The following VPS26A variants were observed in gnomAD, a reference collection of about 807,000 sequenced individuals.
The protein encoded by VPS26A is VPS26 retromer complex component A.
A neutral mutation model predicts 42.4 loss-of-function variants in VPS26A; 22 were observed. The observed-to-expected ratio is 0.52, with a 90% CI of 0.37 to 0.74. VPS26A has a LOEUF of 0.74. VPS26A is among the 30% of genes least tolerant of loss of function. The pLI is 0.00. For synonymous variants in VPS26A, 110 were observed against 123.5 expected (o/e 0.89, Z 0.73); for missense variants, 276 against 379.2 (o/e 0.73, Z 2.26).
At chr10:69,162,054 G>A (rs1841576842) in intron 5 of VPS26A, 1 of 160,782 alleles carries the variant, frequency 6.2e-6, no homozygotes, top group Admixed American at 6.6e-5. Context: ...GTGCAGTGGT[G>A]TGATTTGCCT....
rs1475226652 is a variant in VPS26A at position 69,174,333 on chromosome 10, A to C, written c.*3064A>C. Among the ~76,000 whole-genome samples, 1 of 152,226 alleles carries C rather than the reference A, an allele frequency of 6.6e-6. No homozygotes were observed. The highest frequency in any genetic ancestry group is 2.4e-5 in the African/African-American group (1 of 41,464). On this transcript the variant is annotated 3_prime_UTR_variant, in exon 9 of 9. Coordinates refer to ENST00000263559, the MANE Select transcript of VPS26A (RefSeq NM_004896.5). ...GCCACTGCACTGTAGCTTGGGTGACAGAGACACCATGTCTCAAAAATCTAC... is the reference window on the plus strand; with the variant it reads ...GCCACTGCACTGTAGCTTGGGTGACCGAGACACCATGTCTCAAAAATCTAC...
chr10:69,173,367 C>T lies in VPS26A; in HGVS notation c.*2098C>T, dbSNP rs889975081. On this transcript the variant is annotated 3_prime_UTR_variant, in exon 9 of 9. Transcript: ENST00000263559. ...AAACAAAACAACCTCAAAAAAATAC[C>T]TGTCATCTCAGCCACTTCAGGAGTC... Among the ~76,000 whole-genome samples, 2 of 152,160 alleles carry T rather than the reference C, an allele frequency of 1.3e-5. No individual in the cohort carries two copies. The highest frequency in any genetic ancestry group is 4.8e-5 in the African/African-American group (2 of 41,428).
At chr10:69,140,416 A>G (rs1012548892) in intron 2 of VPS26A, among the ~76,000 whole-genome samples, 2 of 151,968 alleles carry the variant, frequency 1.3e-5, no homozygotes, top group African/African-American at 4.8e-5. Flanking sequence ...TCTGTCACCC[A>G]TGTTGGAGTG....
rs1361079962 is a variant in VPS26A at position 69,171,196 on chromosome 10, AAC to A, written c.913_914del (p.Gln305GlufsTer9). On this transcript the variant is annotated frameshift_variant, in exon 9 of 9. Coordinates refer to ENST00000263559, the MANE Select transcript of VPS26A (RefSeq NM_004896.5). LOFTEE classifies it high-confidence loss of function. ...AGAAAAGCTCCTGAAAAACTGAGGA[AAC>A]AGAGAACAAACTTTCACCAGCGATT... 1 of 1,613,638 alleles carries A rather than the reference AAC, an allele frequency of 6.2e-7. No homozygotes were observed. Among genetic ancestry groups the A allele is most frequent in the Non-Finnish European group, 8.5e-7 (1 of 1,179,934 alleles).
chr10:69,166,215 C>A, intron 7 of VPS26A, 105 bp downstream of exon 7: 2 of 1,029,492 alleles, frequency 1.9e-6, no homozygotes, highest in Non-Finnish European at 2.9e-6. Flanking sequence ...ATTCTTAAAC[C>A]ATTCTTACAA....
chr10:69,156,976 A>G lies in VPS26A; in HGVS notation c.230-31A>G, dbSNP rs760194546. On this transcript the variant is annotated intron_variant, in intron 3 of 8. Transcript: ENST00000263559. ...GTTTTATTGAAATGGCTATTAAATA[A>G]TTGGTCTTTTTGCCTTTTAAAATTT... 8.4e-6 allele frequency: 13 copies of G among 1,552,228 alleles called. No homozygotes were observed. In the South Asian group the frequency reaches 1.4e-4, roughly 17 times the overall value.
At chr10:69,138,868 A>G (rs1157612398) in intron 2 of VPS26A, among the ~76,000 whole-genome samples, 4 of 152,232 alleles carry the variant, frequency 2.6e-5, no homozygotes, top group Non-Finnish European at 4.4e-5. Flanking sequence ...CATTATATAC[A>G]TAATAGTCTC....
At chr10:69,134,666 AT>A (rs753497087) in intron 2 of VPS26A, among the ~76,000 whole-genome samples, 254 of 143,866 alleles carry the variant, frequency 1.8e-3, no homozygotes, top group Non-Finnish European at 1.5e-3. Flanking sequence ...ATGTGAGGTT[AT>A]TTTTTTTTTT....
chr10:69,149,734 GTTTT>G (rs869048277), intron 2 of VPS26A, among the ~76,000 whole-genome samples: 3 of 21,364 alleles, frequency 1.4e-4, no homozygotes, highest in African/African-American at 2.7e-4. Context: ...GGTGTTTTTT[GTTTT>G]TTTTTTTTTT....
intron 2 of VPS26A, among the ~76,000 whole-genome samples, chr10:69,146,678 G>A (rs950808355): frequency 2.0e-5 from 3 of 151,956 alleles, no homozygotes; most frequent in South Asian, 4.2e-4. Context: ...TTGTCCTTTT[G>A]TGCCTGACTT....
rs190305290 is a variant in VPS26A at position 69,157,260 on chromosome 10, T to C, written c.386+97T>C. 362 of 1,427,734 alleles carry C rather than the reference T, an allele frequency of 2.5e-4. No homozygotes were observed. The African/African-American group carries it at 4.8e-3, about 19-fold the overall frequency. The allele number at this position is 1,427,734 out of a possible 1,614,324, so 88.4% of individuals were successfully genotyped here. Reference sequence around the variant, plus strand: ...TGAACCTCTAATTATAATTCTGTATTGGAAGATTTAAGATTTTTAAAAATT... The same window carrying C: ...TGAACCTCTAATTATAATTCTGTATCGGAAGATTTAAGATTTTTAAAAATT... On this transcript the variant is annotated intron_variant, in intron 4 of 8. Coordinates refer to ENST00000263559, the MANE Select transcript of VPS26A (RefSeq NM_004896.5).
At chr10:69,143,567 CTAAG>C (rs913467478) in intron 2 of VPS26A, among the ~76,000 whole-genome samples, 73 of 152,246 alleles carry the variant, frequency 4.8e-4, no homozygotes, top group African/African-American at 1.6e-3. Flanking sequence ...TAATCCTTTT[CTAAG>C]TAAGAGTTCT....
intron 6 of VPS26A, among the ~76,000 whole-genome samples, chr10:69,163,411 C>A (rs1292751169): frequency 6.6e-6 from 1 of 152,160 alleles, no homozygotes; most frequent in East Asian, 1.9e-4. Flanking sequence ...TAAGCCATTG[C>A]ACCTGGCCAT....
At chr10:69,148,414 G>A (rs2132213704) in intron 2 of VPS26A, among the ~76,000 whole-genome samples, 1 of 152,236 alleles carries the variant, frequency 6.6e-6, no homozygotes, top group East Asian at 1.9e-4. Flanking sequence ...TTATAGTTTA[G>A]TTCTTTAAGC....
At chr10:69,144,997 G>GT (rs1225482538) in intron 2 of VPS26A, among the ~76,000 whole-genome samples, 4 of 151,056 alleles carry the variant, frequency 2.6e-5, no homozygotes, top group African/African-American at 4.9e-5. Flanking sequence ...ATATTCTCCT[G>GT]TTTTTTTTCC....
chr10:69,170,746 GTGCTGGAGGATTAACC>G (rs1324532289), intron 8 of VPS26A, among the ~76,000 whole-genome samples: 7 of 152,204 alleles, frequency 4.6e-5, no homozygotes, highest in Admixed American at 4.6e-4. Flanking sequence ...TCCAAGCAAT[GTGCTGGAGGATTAACC>G]TGCTAGTGAT....
chr10:69,149,909 A>G (rs1186711199), intron 2 of VPS26A, among the ~76,000 whole-genome samples: 2 of 150,686 alleles, frequency 1.3e-5, no homozygotes, highest in African/African-American at 2.5e-5. Flanking sequence ...ACGCCCTACT[A>G]ATTTTTGTAT....
chr10:69,147,384 G>A (rs979200228), intron 2 of VPS26A, among the ~76,000 whole-genome samples: 2 of 151,734 alleles, frequency 1.3e-5, no homozygotes, highest in East Asian at 3.9e-4. Flanking sequence ...GGTGTCTTTT[G>A]CAGTGCAAAA....
At chr10:69,130,068 A>G (rs1164203509) in intron 1 of VPS26A, among the ~76,000 whole-genome samples, 1 of 152,248 alleles carries the variant, frequency 6.6e-6, no homozygotes, top group African/African-American at 2.4e-5. Context: ...TACTATACCA[A>G]TGCTAATTTG....
Sources: gnomAD v4.1 joint callset for allele counts (sites outside exome capture counted in the v4.1 genomes callset) on GRCh38, gnomAD v4.1.1 for gene constraint, MANE v1.5 for transcripts, NCBI Gene and HGNC (gene_info 2026-07-23, HGNC 2026-07-21) for gene names.